USH2A: variants seen among roughly 807,000 people sequenced by gnomAD.
USH2A encodes Usher syndrome 2A (autosomal recessive, mild).
In USH2A, 443 loss-of-function variants were observed where a neutral mutation model predicts 538.9. The observed-to-expected ratio is 0.82, with a 90% CI of 0.76 to 0.89. The LOEUF is 0.89. Among genes scored for constraint, USH2A ranks in the 40% least tolerant of loss-of-function variants. USH2A has a pLI of 0.00. For synonymous variants in USH2A, 2,413 were observed against 2,273.5 expected, an observed-to-expected ratio of 1.06 and a Z score of -1.75; for missense variants, 6,633 against 6,324.8, an observed-to-expected ratio of 1.05 and a Z score of -1.65.
intron 11 of USH2A, among the ~76,000 whole-genome samples, chr1:216,274,941 C>T (rs2036642896): frequency 6.6e-6 from 1 of 152,008 alleles, no homozygotes; most frequent in Non-Finnish European, 1.5e-5. Context: ...GAAGCATGCT[C>T]AAATAAAACT....
chr1:216,361,226 C>T lies in USH2A; in HGVS notation c.784+3727G>A, dbSNP rs376626938. ...CATTCAGGTGGGACAAAAATTTTGA[C>T]CCCTACCTTATATAACCTCAAAAAA... On this transcript the variant is annotated intron_variant, in intron 4 of 71. Coordinates refer to ENST00000307340, the MANE Select transcript of USH2A (RefSeq NM_206933.4). Among the ~76,000 whole-genome samples the T allele has an allele frequency of 1.8e-4, 27 of 152,178 alleles. No homozygotes were observed. In the South Asian group the frequency reaches 5.0e-3, roughly 28 times the overall value.
At chr1:216,005,973 C>T (rs1175530583) in intron 32 of USH2A, among the ~76,000 whole-genome samples, 1 of 151,926 alleles carries the variant, frequency 6.6e-6, no homozygotes, top group Non-Finnish European at 1.5e-5. Flanking sequence ...AGAAGATATG[C>T]CCCAACCTAG....
chr1:216,295,822 A>G (rs576007913), intron 9 of USH2A, among the ~76,000 whole-genome samples: 80 of 152,126 alleles, frequency 5.3e-4, no homozygotes, highest in African/African-American at 1.9e-3. Flanking sequence ...GTTAAAAACT[A>G]TTTTCATATT....
intron 61 of USH2A, among the ~76,000 whole-genome samples, chr1:215,724,302 C>A (rs1659748442): frequency 6.6e-6 from 1 of 152,062 alleles, no homozygotes; most frequent in South Asian, 2.1e-4. Flanking sequence ...GAAATCATGT[C>A]TTTTGCAGCA....
intron 40 of USH2A, 114 bp downstream of exon 40, chr1:215,899,961 C>T: frequency 6.7e-7 from 1 of 1,488,342 alleles, no homozygotes; most frequent in Non-Finnish European, 9.3e-7. Flanking sequence ...AGGTTATTGT[C>T]ACTAAACAAC....
At chr1:215,966,011 T>G (rs1456537739) in intron 36 of USH2A, among the ~76,000 whole-genome samples, 2 of 151,626 alleles carry the variant, frequency 1.3e-5, no homozygotes, top group East Asian at 3.9e-4. Context: ...ACGCAAAATT[T>G]TTATGAGCTA....
At chr1:215,908,977 T>C (rs566107487) in intron 38 of USH2A, among the ~76,000 whole-genome samples, 1 of 149,408 alleles carries the variant, frequency 6.7e-6, no homozygotes, top group South Asian at 2.1e-4. Flanking sequence ...CCTATATATA[T>C]CTATATATAC....
At chr1:216,031,140 T>C (rs1669112069) in intron 32 of USH2A, among the ~76,000 whole-genome samples, 1 of 152,076 alleles carries the variant, frequency 6.6e-6, no homozygotes, top group Non-Finnish European at 1.5e-5. Context: ...AATCTGAGAA[T>C]TCAGGGGCTG....
At position 215,674,761 on chromosome 1, in the gene USH2A, CATT is replaced by C; in HGVS notation, c.13147_13149del (p.Asn4383del). ...CTAACTAAATATTTAGTAATCTTTC[CATT>C]TTGCACTGTGGGCGGTGACCAACAT... On this transcript the variant is annotated inframe_deletion, in exon 63 of 72. Transcript: ENST00000307340. 2.5e-6 allele frequency: 4 copies of C among 1,614,080 alleles called. No individual in the cohort carries two copies. Among genetic ancestry groups the C allele is most frequent in the Non-Finnish European group, 3.4e-6 (4 of 1,180,022 alleles).
At chr1:215,813,696 G>C in intron 49 of USH2A, 40 bp downstream of exon 49, 11 of 1,612,880 alleles carry the variant, frequency 6.8e-6, no homozygotes, top group Non-Finnish European at 9.3e-6. Context: ...ATGTTTTCAG[G>C]TTCCCATAGT....
intron 41 of USH2A, chr1:215,886,482 G>A (rs1326541524): frequency 6.6e-6 from 1 of 152,132 alleles, no homozygotes; most frequent in African/African-American, 2.4e-5. Flanking sequence ...GAATATTCCT[G>A]CTGATTCTAT....
chr1:216,271,186 G>A (rs897796945), intron 11 of USH2A, among the ~76,000 whole-genome samples: 6 of 152,024 alleles, frequency 3.9e-5, no homozygotes, highest in African/African-American at 9.7e-5. Flanking sequence ...ATACCATGAG[G>A]TGGTTTCCAC....
intron 32 of USH2A, among the ~76,000 whole-genome samples, chr1:216,033,392 T>C (rs912076296): frequency 6.6e-6 from 1 of 152,160 alleles, no homozygotes; most frequent in Non-Finnish European, 1.5e-5. Context: ...GATTCAGCCA[T>C]GTAAAGAACT....
intron 47 of USH2A, among the ~76,000 whole-genome samples, chr1:215,825,579 T>G (rs2102804248): frequency 6.6e-6 from 1 of 152,306 alleles, no homozygotes; most frequent in East Asian, 1.9e-4. Flanking sequence ...AAAGAAATCT[T>G]CATACACTCT....
chr1:216,325,943 A>G (rs1311011230), intron 5 of USH2A, among the ~76,000 whole-genome samples: 2 of 152,196 alleles, frequency 1.3e-5, no homozygotes, highest in African/African-American at 2.4e-5. Flanking sequence ...TTTACTTAGG[A>G]TGCTAAACTA....
chr1:215,682,614 C>G (rs1395127587), intron 61 of USH2A, among the ~76,000 whole-genome samples: 1 of 152,034 alleles, frequency 6.6e-6, no homozygotes, highest in Non-Finnish European at 1.5e-5. Context: ...GCTTCCAAAC[C>G]TCCACCATCT....
At position 215,641,408 on chromosome 1, in the gene USH2A, G is replaced by C. The variant is rs113984881; in HGVS notation, c.14792-674C>G. 1.5e-3 allele frequency among the ~76,000 whole-genome samples: 226 copies of C among 152,252 alleles called. 1 individual carries two copies. The highest frequency in any genetic ancestry group is 5.3e-3 in the African/African-American group (221 of 41,552). Reference sequence around the variant, plus strand: ...CATTAGTATATAATCAAGCTCAGGTGTCCTAAGTATTATATCACATATAGA... The same window carrying C: ...CATTAGTATATAATCAAGCTCAGGTCTCCTAAGTATTATATCACATATAGA... On this transcript the variant is annotated intron_variant, in intron 67 of 71. Transcript: ENST00000307340.
chr1:215,851,275 G>T (rs1473061621), intron 44 of USH2A, among the ~76,000 whole-genome samples: 2 of 152,026 alleles, frequency 1.3e-5, no homozygotes, highest in African/African-American at 2.4e-5. Flanking sequence ...TCTTGGAAAA[G>T]ATAAATAAAA....
chr1:216,240,744 A>G (rs1263245766), intron 13 of USH2A, among the ~76,000 whole-genome samples: 2 of 152,266 alleles, frequency 1.3e-5, no homozygotes, highest in African/African-American at 4.8e-5. Flanking sequence ...AGAAGCTACT[A>G]GAACATGTGC....
Sources: allele counts gnomAD v4.1 joint callset (sites outside exome capture counted in the v4.1 genomes callset), GRCh38; gene constraint gnomAD v4.1.1; transcripts MANE v1.5; gene names NCBI Gene and HGNC (gene_info 2026-07-23, HGNC 2026-07-21).